ATP1A1: variants seen among roughly 807,000 people sequenced by gnomAD.
ATP1A1 encodes ATPase Na+/K+ transporting subunit alpha 1, also known as sodium/potassium-transporting ATPase subunit alpha-1.
ATP1A1 carries 14 observed loss-of-function variants against 114.8 expected under a neutral mutation model. That is an observed-to-expected ratio of 0.12 (90% CI 0.08 to 0.19). The LOEUF (loss-of-function observed/expected upper bound fraction) is 0.19, where lower values mean the gene tolerates loss of function less well. Ranked by LOEUF, ATP1A1 falls within the 10% of genes least tolerant of loss-of-function variation. The pLI, the probability that ATP1A1 is intolerant of heterozygous loss-of-function variation, is 1.00. For missense variants in ATP1A1, 524 were observed against 1,290.7 expected, an observed-to-expected ratio of 0.41 and a Z score of 9.10; for synonymous variants, 471 against 466.3, an observed-to-expected ratio of 1.01 and a Z score of -0.13.
rs761343155 is a variant in ATP1A1, at chr1:116,401,214, G to T, written c.2803G>T (p.Val935Phe). The T allele has an allele frequency of 8.1e-6, 13 of 1,614,076 alleles. No homozygotes were observed. The highest frequency in any genetic ancestry group is 1.0e-5 in the Non-Finnish European group (12 of 1,180,048). The change falls in exon 20 of 23, where the codon GTC (valine) becomes TTC (phenylalanine). Residue 935 changes from valine to phenylalanine, a missense_variant. Coordinates refer to ENST00000295598, the MANE Select transcript of ATP1A1 (RefSeq NM_000701.8). This position sits in a 1 kb window ranked among gnomAD's most constrained non-coding sequence, Gnocchi z 4.7. ...SIVVVQWADLVICKTRRNSVF... is the reference protein window; with the variant it reads ...SIVVVQWADLFICKTRRNSVF... ...CGTGGTGGTGCAGTGGGCCGACTTG[G>T]TCATCTGTAAGACCAGGAGGAATTC... is the stretch of plus-strand genomic sequence containing the variant.
chr1:116,383,747 AGGGCCATTCTGAAGC>A (rs1651892612), intron 1 of ATP1A1, among the ~76,000 whole-genome samples: 1 of 152,248 alleles, frequency 6.6e-6, no homozygotes, highest in African/African-American at 2.4e-5. Context: ...TGGCACTGGC[AGGGCCATTCTGAAGC>A]CTACCGGTAG....
In ATP1A1 at chr1:116,393,292, G is replaced by A. The variant is rs1045017102; in HGVS notation, c.1468-239G>A. 7.2e-5 allele frequency among the ~76,000 whole-genome samples: 11 copies of A among 151,900 alleles called. No homozygotes were observed. Among genetic ancestry groups the A allele is most frequent in the South Asian group, 2.1e-4 (1 of 4,816 alleles). On this transcript the variant is annotated intron_variant, in intron 11 of 22. Transcript: ENST00000295598. The surrounding 1 kb of genome is among the most constrained non-coding windows in gnomAD (Gnocchi z 5.0). ...CCCAATCCCTGTGTTCTGAAATTTCGTATGTTCTTTTTTAATGTGAACAAA... is the reference window on the plus strand; with the variant it reads ...CCCAATCCCTGTGTTCTGAAATTTCATATGTTCTTTTTTAATGTGAACAAA...
rs775056444 is a variant in ATP1A1 at position 116,401,109 on chromosome 1, C to T, written c.2719-21C>T. On this transcript the variant is annotated intron_variant, in intron 19 of 22. Coordinates refer to ENST00000295598, the MANE Select transcript of ATP1A1 (RefSeq NM_000701.8). The surrounding 1 kb of genome is among the most constrained non-coding windows in gnomAD (Gnocchi z 4.7). ...ATGCAGGTGAAGAGCCAGAGCTCAT[C>T]TTCTGTCTTCTGCATTTCAGACCTA... 3.1e-6 allele frequency: 5 copies of T among 1,613,910 alleles called. No homozygotes were observed. The highest frequency in any genetic ancestry group is 1.3e-5 in the African/African-American group (1 of 74,944).
chr1:116,393,174 G>A lies in ATP1A1; in HGVS notation c.1467+186G>A, dbSNP rs1454006290. The A allele has an allele frequency of 1.0e-6, 1 of 953,510 alleles. No individual in the cohort carries two copies. 59.1% of individuals were successfully genotyped at this position (953,510 alleles called of 1,614,324 possible). On this transcript the variant is annotated intron_variant, in intron 11 of 22. Coordinates refer to ENST00000295598, the MANE Select transcript of ATP1A1 (RefSeq NM_000701.8). This position sits in a 1 kb window ranked among gnomAD's most constrained non-coding sequence, Gnocchi z 5.0. ...ATCAGCAGGATAAATGAAGCCTCTT[G>A]CAAAACACTGTTGAGCCCTTTTGAA...
In ATP1A1 at chr1:116,398,127, G is replaced by A; in HGVS notation, c.2124+89G>A. On this transcript the variant is annotated intron_variant, in intron 15 of 22. Transcript: ENST00000295598. The surrounding 1 kb of genome is among the most constrained non-coding windows in gnomAD (Gnocchi z 6.1). ...GGAAACAGAGCAACGGTGATGGATG[G>A]ATGCATACCTCGCTGTATTAGACTC... The A allele has an allele frequency of 6.6e-7, 1 of 1,518,934 alleles. No homozygotes were observed. The highest frequency in any genetic ancestry group is 2.3e-5 in the East Asian group (1 of 44,206). 94.1% of individuals were successfully genotyped at this position (1,518,934 alleles called of 1,614,324 possible).
Position 116,401,513 on chromosome 1 carries a change from T to C in ATP1A1, c.2850-41T>C, listed in dbSNP as rs939432917. ...CATAGCATTAGAAGATAAACCTTTA[T>C]TTGCACCTTTTAAGTTTTTTCTCCC... On this transcript the variant is annotated intron_variant, in intron 20 of 22. Coordinates refer to ENST00000295598, the MANE Select transcript of ATP1A1 (RefSeq NM_000701.8). The surrounding 1 kb of genome is among the most constrained non-coding windows in gnomAD (Gnocchi z 4.7). 2 of 1,591,760 alleles carry C rather than the reference T, an allele frequency of 1.3e-6. No homozygotes were observed. The highest frequency in any genetic ancestry group is 1.7e-6 in the Non-Finnish European group (2 of 1,159,984).
rs1217838266 is a variant in ATP1A1 at position 116,389,741 on chromosome 1, T to C, written c.1023+34T>C. The C allele has an allele frequency of 6.2e-7, 1 of 1,612,076 alleles. No individual in the cohort carries two copies. The highest frequency in any genetic ancestry group is 1.7e-5 in the Admixed American group (1 of 59,924). ...CAGGTGATGGTCACCCTGACTCAGATCAGCTTGCACGAATGTTACACTCTT... is the reference window on the plus strand; with the variant it reads ...CAGGTGATGGTCACCCTGACTCAGACCAGCTTGCACGAATGTTACACTCTT... On this transcript the variant is annotated intron_variant, in intron 8 of 22. Transcript: ENST00000295598. The surrounding 1 kb of genome is among the most constrained non-coding windows in gnomAD (Gnocchi z 6.9).
Position 116,404,310 on chromosome 1 carries a change from G to A in ATP1A1, c.3044-106G>A, listed in dbSNP as rs999598796. ...CCCATGTTTGGATTTTAACACACCC[G>A]ACCCCCATCATCCTCCGGTTGGTTT... On this transcript the variant is annotated intron_variant, in intron 22 of 22. Coordinates refer to ENST00000295598, the MANE Select transcript of ATP1A1 (RefSeq NM_000701.8). The surrounding 1 kb of genome is among the most constrained non-coding windows in gnomAD (Gnocchi z 4.8). 7.9e-6 allele frequency: 11 copies of A among 1,397,486 alleles called. No homozygotes were observed. The highest frequency in any genetic ancestry group is 3.6e-5 in the Admixed American group (2 of 55,664). The allele number at this position is 1,397,486 out of a possible 1,614,324, so 86.6% of individuals were successfully genotyped here. A position where few individuals can be genotyped will look rare whatever the true frequency, so the allele number is the denominator to read the frequency against.
In ATP1A1 at chr1:116,395,363, TC is replaced by T; in HGVS notation, c.1836+80del. On this transcript the variant is annotated intron_variant, in intron 13 of 22. Transcript: ENST00000295598. This position sits in a 1 kb window ranked among gnomAD's most constrained non-coding sequence, Gnocchi z 6.4. ...ACTCAGTGAATGTTGCCTTTTGAGG[TC>T]CAGATGGCCAGCTGTTCTATCTCAC... 1.3e-6 allele frequency: 2 copies of T among 1,496,068 alleles called. No individual in the cohort carries two copies. The highest frequency in any genetic ancestry group is 1.8e-6 in the Non-Finnish European group (2 of 1,105,586). 92.7% of individuals were successfully genotyped at this position (1,496,068 alleles called of 1,614,324 possible).
rs372034384 is a variant in ATP1A1 at position 116,399,048 on chromosome 1, T to C, written c.2412T>C (p.Thr804=). 3.7e-6 allele frequency: 6 copies of C among 1,614,218 alleles called. No homozygotes were observed. Among genetic ancestry groups the C allele is most frequent in the African/African-American group, 1.3e-5 (1 of 75,054 alleles). Residue 804 remains threonine (T), a synonymous_variant, in exon 17 of 23, where the codon ACT becomes ACC. Transcript: ENST00000295598. This position sits in a 1 kb window ranked among gnomAD's most constrained non-coding sequence, Gnocchi z 5.0. ...IIANIPLPLG[T]VTILCIDLGT... ...CAAACATTCCACTACCACTGGGGAC[T>C]GTCACCATCCTCTGCATTGACTTGG... is the stretch of plus-strand genomic sequence containing the variant.
intron 13 of ATP1A1, among the ~76,000 whole-genome samples, 173 bp from the exon 14 acceptor site, chr1:116,396,425 A>G (rs1351161314): frequency 6.6e-6 from 1 of 152,016 alleles, no homozygotes; most frequent in Non-Finnish European, 1.5e-5. Flanking sequence ...TTCTGTGGAT[A>G]TATATGTTTA....
rs1325160520 is a variant in ATP1A1 at position 116,390,819 on chromosome 1, T to C, written c.1260T>C (p.Ala420=). ...ACAAGACTTCAGCTACCTGGCTTGC[T>C]CTGTCCAGAATTGCAGGTCTTTGTA... ...SFDKTSATWL[A]LSRIAGLCNR... is the part of the protein sequence containing the mutation. Residue 420 remains alanine (A), a synonymous_variant, in exon 10 of 23, where the codon GCT becomes GCC. Coordinates refer to ENST00000295598, the MANE Select transcript of ATP1A1 (RefSeq NM_000701.8). 6.2e-7 allele frequency: 1 copy of C among 1,614,112 alleles called. No individual in the cohort carries two copies. Among genetic ancestry groups the C allele is most frequent in the Non-Finnish European group, 8.5e-7 (1 of 1,180,030 alleles).
Position 116,397,960 on chromosome 1 carries a change from G to A in ATP1A1, c.2046G>A (p.Leu682=). 1.2e-6 allele frequency: 2 copies of A among 1,613,270 alleles called. No homozygotes were observed. Among genetic ancestry groups the A allele is most frequent in the Non-Finnish European group, 1.7e-6 (2 of 1,179,886 alleles). The change falls in exon 15 of 23, where the codon TTG becomes TTA. Residue 682 remains leucine (L), a synonymous_variant. Transcript: ENST00000295598. This position sits in a 1 kb window ranked among gnomAD's most constrained non-coding sequence, Gnocchi z 4.2. ...DMTSEQLDDI[L]KYHTEIVFAR... is the part of the protein sequence containing the mutation. ...CCTCCGAGCAGCTGGATGACATTTT[G>A]AAGTACCACACTGAGATAGTGTTTG... is the stretch of plus-strand genomic sequence containing the variant.
intron 1 of ATP1A1, 122 bp from the exon 2 acceptor site, chr1:116,383,892 A>G: frequency 2.6e-6 from 2 of 776,938 alleles, no homozygotes; most frequent in Non-Finnish European, 4.3e-6. Context: ...CCTGACTATT[A>G]TCTTAATGAC....
At position 116,401,917 on chromosome 1, in the gene ATP1A1, A is replaced by G; in HGVS notation, c.2951+262A>G. On this transcript the variant is annotated intron_variant, in intron 21 of 22. Coordinates refer to ENST00000295598, the MANE Select transcript of ATP1A1 (RefSeq NM_000701.8). The surrounding 1 kb of genome is among the most constrained non-coding windows in gnomAD (Gnocchi z 4.7). ...GGCTCTAGCTCCATGGAACTGCTCA[A>G]CAGCGAACTGCATTGAGCACTCAGG... 2.0e-6 allele frequency: 1 copy of G among 497,082 alleles called. No individual in the cohort carries two copies. The highest frequency in any genetic ancestry group is 3.6e-6 in the Non-Finnish European group (1 of 279,506). 30.8% of individuals were successfully genotyped at this position (497,082 alleles called of 1,614,324 possible).
Position 116,400,997 on chromosome 1 carries a change from G to A in ATP1A1, c.2709G>A (p.Gly903=), listed in dbSNP as rs1653426504. ...RWINDVEDSY[G]QQWTYEQRKI... ...TCAACGATGTGGAAGACAGCTACGG[G>A]CAGCAGTGGGTGAGTGGGCACCTCT... The change falls in exon 19 of 23, where the codon GGG becomes GGA. Residue 903 remains glycine (G), a synonymous_variant. Coordinates refer to ENST00000295598, the MANE Select transcript of ATP1A1 (RefSeq NM_000701.8). 1 of 1,614,210 alleles carries A rather than the reference G, an allele frequency of 6.2e-7. No individual in the cohort carries two copies.
At position 116,395,409 on chromosome 1, in the gene ATP1A1, T is replaced by C; in HGVS notation, c.1836+124T>C. ...TCTCACCTGGAGTATTAATTTCTCATCTCCAAAGCTTTACTTCCACCCAGA... is the reference window on the plus strand; with the variant it reads ...TCTCACCTGGAGTATTAATTTCTCACCTCCAAAGCTTTACTTCCACCCAGA... On this transcript the variant is annotated intron_variant, in intron 13 of 22. Transcript: ENST00000295598. This position sits in a 1 kb window ranked among gnomAD's most constrained non-coding sequence, Gnocchi z 6.4. 1 of 1,051,912 alleles carries C rather than the reference T, an allele frequency of 9.5e-7. No homozygotes were observed. 65.2% of individuals were successfully genotyped at this position (1,051,912 alleles called of 1,614,324 possible). A position where few individuals can be genotyped will look rare whatever the true frequency, so the allele number is the denominator to read the frequency against.
chr1:116,373,488 C>T lies in ATP1A1; in HGVS notation c.-24C>T, dbSNP rs778797053. The T allele has an allele frequency of 2.6e-6, 4 of 1,509,994 alleles. No individual in the cohort carries two copies. Among genetic ancestry groups the T allele is most frequent in the East Asian group, 2.9e-5 (1 of 34,648 alleles). The allele number at this position is 1,509,994 out of a possible 1,614,324, so 93.5% of individuals were successfully genotyped here. A position where few individuals can be genotyped will look rare whatever the true frequency, so the allele number is the denominator to read the frequency against. Reference sequence around the variant, plus strand: ...CTGATTCTCCAGCGACAGGACCCGGCGCCGGGCACTGAGCACCGCCACCAT... The same window carrying T: ...CTGATTCTCCAGCGACAGGACCCGGTGCCGGGCACTGAGCACCGCCACCAT... On this transcript the variant is annotated 5_prime_UTR_variant, in exon 1 of 23. Coordinates refer to ENST00000295598, the MANE Select transcript of ATP1A1 (RefSeq NM_000701.8).
Position 116,384,169 on chromosome 1 carries a change from C to CTTATTAAAAAAAA in ATP1A1, c.123+45_123+46insTTATTAAAAAAAA, listed in dbSNP as rs1651929037. On this transcript the variant is annotated intron_variant, in intron 2 of 22. Coordinates refer to ENST00000295598, the MANE Select transcript of ATP1A1 (RefSeq NM_000701.8). The surrounding 1 kb of genome is among the most constrained non-coding windows in gnomAD (Gnocchi z 5.1). The stretch of plus-strand genomic sequence containing the variant: ...TTGTATTCCATCCTTATTAAAAATC[C>CTTATTAAAAAAAA]ATGATTTTTAATCCCCCAGGCCTCA... 2 of 1,513,058 alleles carry CTTATTAAAAAAAA rather than the reference C, an allele frequency of 1.3e-6. No homozygotes were observed. The highest frequency in any genetic ancestry group is 1.8e-6 in the Non-Finnish European group (2 of 1,094,074). The allele number at this position is 1,513,058 out of a possible 1,614,324, so 93.7% of individuals were successfully genotyped here. A position where few individuals can be genotyped will look rare whatever the true frequency, so the allele number is the denominator to read the frequency against.
Sources: allele counts gnomAD v4.1 joint callset (sites outside exome capture counted in the v4.1 genomes callset), GRCh38; gene constraint gnomAD v4.1.1; non-coding constraint Gnocchi (gnomAD v3.1); transcripts MANE v1.5; gene names NCBI Gene and HGNC (gene_info 2026-07-23, HGNC 2026-07-21).